Variants in TSHZ3 observed in about 807,000 individuals in gnomAD.
The protein encoded by TSHZ3 is teashirt homolog 3.
A neutral mutation model predicts 64.5 loss-of-function variants in TSHZ3; 10 were observed. The observed-to-expected ratio is 0.16, with a 90% CI of 0.10 to 0.26. The LOEUF is 0.26. TSHZ3 is among the 10% of genes least tolerant of loss of function. The pLI is 1.00. For synonymous variants in TSHZ3, 608 were observed against 593.1 expected, an observed-to-expected ratio of 1.03 and a Z score of -0.36; for missense variants, 1,242 against 1,421.7, an observed-to-expected ratio of 0.87 and a Z score of 2.03.
At chr19:31,316,607 T>C (rs1916608751) in intron 1 of TSHZ3, among the ~76,000 whole-genome samples, 1 of 152,202 alleles carries the variant, frequency 6.6e-6, no homozygotes, top group Admixed American at 6.5e-5. Context: ...AGCCGCTGTG[T>C]CGTGTACTAA....
intron 5 of TSHZ3, among the ~76,000 whole-genome samples, chr19:31,183,178 T>TTCTCTCTCTCTC (rs750398873): frequency 6.4e-4 from 75 of 116,528 alleles, no homozygotes; most frequent in Non-Finnish European, 1.0e-3. Flanking sequence ...TTCTATGAGA[T>TTCTCTCTCTCTC]TCTCTCTCTC....
chr19:31,310,210 T>C (rs967920275), intron 1 of TSHZ3, among the ~76,000 whole-genome samples: 8 of 152,130 alleles, frequency 5.3e-5, no homozygotes, highest in Admixed American at 2.6e-4. Flanking sequence ...TTCCCTACTC[T>C]GGTCCCAGGT....
At position 31,277,462 on chromosome 19, in the gene TSHZ3, G is replaced by C. The variant is rs756290407; in HGVS notation, c.2331C>G (p.Leu777=). 1 of 1,613,838 alleles carries C rather than the reference G, an allele frequency of 6.2e-7. No homozygotes were observed. Among genetic ancestry groups the C allele is most frequent in the Admixed American group, 1.7e-5 (1 of 59,976 alleles). Residue 777 remains leucine (L), a synonymous_variant, in exon 2 of 2, where the codon CTC becomes CTG. Coordinates refer to ENST00000240587, the MANE Select transcript of TSHZ3 (RefSeq NM_020856.4). The surrounding 1 kb of genome is among the most constrained non-coding windows in gnomAD (Gnocchi z 4.5). ...TGTTGACGTGGTAGAAATAGCGGTC[G>C]AGGTGGTCTGCCTTCTTGGACTGCA... ...PPLQSKKADH[L]DRYFYHVNND...
At chr19:31,163,690 C>G (rs1421199212) in intron 5 of TSHZ3, among the ~76,000 whole-genome samples, 1 of 152,136 alleles carries the variant, frequency 6.6e-6, no homozygotes, top group Admixed American at 6.5e-5. Flanking sequence ...GAGATGGTAC[C>G]ACTGCACTCC....
chr19:31,209,263 C>T (rs1375453557), intron 4 of TSHZ3, among the ~76,000 whole-genome samples: 2 of 152,146 alleles, frequency 1.3e-5, no homozygotes, highest in East Asian at 3.9e-4. Context: ...TTTGGAGACT[C>T]CAATTGCAAA....
chr19:31,266,893 C>T (rs1168642654), intron 1 of TSHZ3, among the ~76,000 whole-genome samples: 1 of 152,188 alleles, frequency 6.6e-6, no homozygotes, highest in Non-Finnish European at 1.5e-5. Flanking sequence ...GGCCAGCCCT[C>T]CAAAGCCCTC....
At chr19:31,326,537 C>T (rs781533022) in intron 1 of TSHZ3, among the ~76,000 whole-genome samples, 1 of 152,252 alleles carries the variant, frequency 6.6e-6, no homozygotes, top group Non-Finnish European at 1.5e-5. Context: ...CATGAGCACG[C>T]GTACACACCC....
At chr19:31,329,482 G>A (rs1009823202) in intron 1 of TSHZ3, among the ~76,000 whole-genome samples, 1 of 152,234 alleles carries the variant, frequency 6.6e-6, no homozygotes, top group African/African-American at 2.4e-5. Context: ...AATTTAGGCA[G>A]AGTGGAGGCA....
chr19:31,149,876 T>A (rs1032591695), downstream of TSHZ3, among the ~76,000 whole-genome samples: 1 of 152,166 alleles, frequency 6.6e-6, no homozygotes, highest in Non-Finnish European at 1.5e-5. Flanking sequence ...AAAATTCTTA[T>A]GAAACTTAAT....
At chr19:31,188,019 A>C (rs142234368) in intron 5 of TSHZ3, among the ~76,000 whole-genome samples, 2 of 152,216 alleles carry the variant, frequency 1.3e-5, no homozygotes, top group East Asian at 3.9e-4. Context: ...TTACAGCAAC[A>C]TTGAATTTCA....
chr19:31,264,435 G>T (rs769003316), intron 1 of TSHZ3, among the ~76,000 whole-genome samples: 2 of 152,076 alleles, frequency 1.3e-5, no homozygotes, highest in African/African-American at 4.8e-5. Flanking sequence ...CTATCTGAAC[G>T]TTCCAGGCTC....
chr19:31,184,928 G>T (rs528826579), intron 5 of TSHZ3, among the ~76,000 whole-genome samples: 1 of 152,332 alleles, frequency 6.6e-6, no homozygotes, highest in African/African-American at 2.4e-5. Context: ...GCATTCCTCT[G>T]CCTCTTTATT....
At chr19:31,173,398 T>C (rs953578335) in intron 5 of TSHZ3, among the ~76,000 whole-genome samples, 5 of 152,210 alleles carry the variant, frequency 3.3e-5, no homozygotes, top group African/African-American at 1.2e-4. Flanking sequence ...TCTCAATTGC[T>C]AAGTGCTTAC....
chr19:31,313,383 G>A (rs565247025), intron 1 of TSHZ3, among the ~76,000 whole-genome samples: 7 of 152,318 alleles, frequency 4.6e-5, no homozygotes, highest in South Asian at 4.1e-4. Flanking sequence ...ACCTTTGAAC[G>A]ATGGCCCCCA....
At chr19:31,259,792 G>T (rs1318362395) in intron 1 of TSHZ3, among the ~76,000 whole-genome samples, 4 of 152,134 alleles carry the variant, frequency 2.6e-5, no homozygotes, top group African/African-American at 9.7e-5. Flanking sequence ...TGGTTCTTTT[G>T]TGATCCATCA....
chr19:31,226,896 A>G (rs760019536), intron 4 of TSHZ3, among the ~76,000 whole-genome samples: 8 of 125,614 alleles, frequency 6.4e-5, no homozygotes, highest in Admixed American at 2.3e-4. Context: ...TTATTTCCTT[A>G]TTTTCATTTT....
chr19:31,264,108 C>T (rs1976017746), intron 1 of TSHZ3, among the ~76,000 whole-genome samples: 1 of 152,164 alleles, frequency 6.6e-6, no homozygotes, highest in African/African-American at 2.4e-5. Context: ...TAGCAGGAGG[C>T]AGGGGTATCC....
intron 1 of TSHZ3, among the ~76,000 whole-genome samples, chr19:31,303,542 G>C (rs561950961): frequency 1.3e-5 from 2 of 150,378 alleles, no homozygotes; most frequent in Non-Finnish European, 3.0e-5. Flanking sequence ...GGGTGGCTGA[G>C]TGGACGGAAT....
chr19:31,341,632 C>CTG (rs1447328529), intron 1 of TSHZ3, among the ~76,000 whole-genome samples: 7 of 51,044 alleles, frequency 1.4e-4, no homozygotes, highest in South Asian at 1.6e-3. Flanking sequence ...CTCTCTCTGA[C>CTG]ACACACACAC....
Sources: allele counts gnomAD v4.1 joint callset (sites outside exome capture counted in the v4.1 genomes callset), GRCh38; gene constraint gnomAD v4.1.1; non-coding constraint Gnocchi (gnomAD v3.1); transcripts MANE v1.5; gene names NCBI Gene and HGNC (gene_info 2026-07-23, HGNC 2026-07-21).